Variants in EXOC3L1 observed in about 807,000 individuals in gnomAD.
EXOC3L1 encodes the protein exocyst complex component 3 like 1.
In EXOC3L1, 79 loss-of-function variants were observed where a neutral mutation model predicts 83.6. The observed-to-expected ratio is 0.95, with a 90% CI of 0.79 to 1.14. The LOEUF is 1.14. Among genes scored for constraint, EXOC3L1 ranks in the 50% most tolerant of loss-of-function variants. EXOC3L1 has a pLI of 0.00. For synonymous variants in EXOC3L1, 433 were observed against 451.2 expected (o/e 0.96, Z 0.51); for missense variants, 945 against 972.0 (o/e 0.97, Z 0.37).
chr16:67,188,323 G>A (rs550037970), intron 4 of EXOC3L1, among the ~76,000 whole-genome samples: 2 of 152,314 alleles, frequency 1.3e-5, no homozygotes, highest in Non-Finnish European at 2.9e-5. Context: ...GCCAATCTAA[G>A]AGGATCTTGG....
Position 67,185,325 on chromosome 16 carries a change from C to T in EXOC3L1, c.1626+36G>A, listed in dbSNP as rs766121776. ...CATACGTAGCTGTACCGCCACCTCT[C>T]CACCTGCTCCCATCCTGACCTGAAG... On this transcript the variant is annotated intron_variant, in intron 10 of 13. Transcript: ENST00000314586. 9 of 1,612,998 alleles carry T rather than the reference C, an allele frequency of 5.6e-6. No individual in the cohort carries two copies. The South Asian group carries it at 8.8e-5, about 16-fold the overall frequency.
chr16:67,187,944 T>G, intron 4 of EXOC3L1, 107 bp from the exon 5 acceptor site: 1 of 1,423,102 alleles, frequency 7.0e-7, no homozygotes, highest in Non-Finnish European at 9.3e-7. Context: ...CATAAAATAT[T>G]TAACAACCAG....
Position 67,187,430 on chromosome 16 carries a change from G to C in EXOC3L1, c.835C>G (p.Leu279Val), listed in dbSNP as rs1235488748. The C allele has an allele frequency of 4.3e-6, 7 of 1,610,734 alleles. No individual in the cohort carries two copies. Among genetic ancestry groups the C allele is most frequent in the African/African-American group, 2.7e-5 (2 of 74,926 alleles). Reference sequence around the variant, plus strand: ...AACTCGACTGGCAGGGCCACTCGCAGAGCCTCCAGCCACCCTGGTAGGGCC... The same window carrying C: ...AACTCGACTGGCAGGGCCACTCGCACAGCCTCCAGCCACCCTGGTAGGGCC... ...PGALPGWLEALRVALPVELAT... is the reference protein window; with the variant it reads ...PGALPGWLEAVRVALPVELAT... The change falls in exon 5 of 14, where the codon CTG becomes GTG. Residue 279 changes from leucine (L) to valine (V), a missense_variant. Coordinates refer to ENST00000314586, the MANE Select transcript of EXOC3L1 (RefSeq NM_178516.4).
At position 67,185,437 on chromosome 16, in the gene EXOC3L1, G is replaced by A. The variant is rs774586129; in HGVS notation, c.1550C>T (p.Pro517Leu). ...LDGAPSGALA[P>L]VEAALDELQR... ...CAACTCGTCCAGCGCAGCTTCCACTGGAGCCAAGGCCCCTGAAGGCGCCCC... is the reference window on the plus strand; with the variant it reads ...CAACTCGTCCAGCGCAGCTTCCACTAGAGCCAAGGCCCCTGAAGGCGCCCC... Residue 517 changes from proline (P) to leucine (L), a missense_variant, in exon 10 of 14, where the codon CCA becomes CTA. Coordinates refer to ENST00000314586, the MANE Select transcript of EXOC3L1 (RefSeq NM_178516.4). The A allele has an allele frequency of 1.2e-6, 2 of 1,611,914 alleles. No individual in the cohort carries two copies. Among genetic ancestry groups the A allele is most frequent in the East Asian group, 2.2e-5 (1 of 44,888 alleles).
rs1259108511 is a variant in EXOC3L1, at chr16:67,190,057, G to T, written c.-94C>A. 2 of 195,768 alleles carry T rather than the reference G, an allele frequency of 1.0e-5. No individual in the cohort carries two copies. The highest frequency in any genetic ancestry group is 2.1e-5 in the Non-Finnish European group (2 of 94,962). The allele number at this position is 195,768 out of a possible 1,614,324, so 12.1% of individuals were successfully genotyped here. On this transcript the variant is annotated 5_prime_UTR_variant, in exon 1 of 14. Transcript: ENST00000314586. The stretch of plus-strand genomic sequence containing the variant: ...CTCCCCAATGCAGCTGGGCACGCCT[G>T]CCACTTGCTCACAGGGCCTGGGCAA...
intron 12 of EXOC3L1, 39 bp from the exon 13 acceptor site, chr16:67,184,849 T>C (rs764398849): frequency 1.2e-6 from 2 of 1,607,890 alleles, no homozygotes; most frequent in South Asian, 1.1e-5. Context: ...CAGCCCTCTC[T>C]CCCACCCAGC....
chr16:67,188,426 C>T (rs1036585935), intron 4 of EXOC3L1, among the ~76,000 whole-genome samples: 8 of 152,104 alleles, frequency 5.3e-5, no homozygotes, highest in East Asian at 1.9e-4. Context: ...CAGGGGAAAT[C>T]GGGGGGTCCT....
intron 6 of EXOC3L1, 43 bp from the exon 7 acceptor site, chr16:67,186,927 G>C (rs1448020103): frequency 6.2e-7 from 1 of 1,612,850 alleles, no homozygotes; most frequent in South Asian, 1.1e-5. Flanking sequence ...GCAGGGATCT[G>C]ACCCTGCTGG....
In EXOC3L1 at chr16:67,184,691, G is replaced by C. The variant is rs1384698396; in HGVS notation, c.2025C>G (p.Asp675Glu). 5 of 1,576,010 alleles carry C rather than the reference G, an allele frequency of 3.2e-6. No homozygotes were observed. Among genetic ancestry groups the C allele is most frequent in the Non-Finnish European group, 4.3e-6 (5 of 1,164,528 alleles). The stretch of plus-strand genomic sequence containing the variant: ...TTCTGGCCCCCAGTCCGCACCTCAC[G>C]TCGGGAAATTGTTGCCGCAGGCCAG... ...EVAGLRQQFP[D>E]VSEDHVSALL... is the part of the protein sequence containing the mutation. Residue 675 changes from aspartate to glutamate, a missense_variant, in exon 13 of 14, where the codon GAC becomes GAG. Asp to Glu is a conservative substitution (Grantham distance 45). Transcript: ENST00000314586.
chr16:67,184,524 T>C lies in EXOC3L1; in HGVS notation c.2111A>G (p.Gln704Arg). ...GCGGGGCGACGGCGGCAGCGCAGCCTGCAGGGAGCTGAGCGCGGCCAGGTG... is the reference window on the plus strand; with the variant it reads ...GCGGGGCGACGGCGGCAGCGCAGCCCGCAGGGAGCTGAGCGCGGCCAGGTG... ...EQHLAALSSL[Q>R]AALPPSPRAS... The change falls in exon 14 of 14, where the codon CAG becomes CGG. Residue 704 changes from glutamine (Q) to arginine (R), a missense_variant. Coordinates refer to ENST00000314586, the MANE Select transcript of EXOC3L1 (RefSeq NM_178516.4). 2.0e-6 allele frequency: 3 copies of C among 1,523,066 alleles called. No homozygotes were observed. Among genetic ancestry groups the C allele is most frequent in the South Asian group, 2.4e-5 (2 of 82,664 alleles). 94.3% of individuals were successfully genotyped at this position (1,523,066 alleles called of 1,614,324 possible). A position where few individuals can be genotyped will look rare whatever the true frequency, so the allele number is the denominator to read the frequency against.
intron 11 of EXOC3L1, 34 bp from the exon 12 acceptor site, chr16:67,185,091 C>G: frequency 1.2e-6 from 2 of 1,612,426 alleles, no homozygotes; most frequent in Non-Finnish European, 1.7e-6. Flanking sequence ...TGCAGGTCGC[C>G]TCTCACCCGC....
intron 4 of EXOC3L1, 25 bp from the exon 5 acceptor site, chr16:67,187,862 C>T: frequency 1.3e-6 from 2 of 1,547,924 alleles, no homozygotes; most frequent in East Asian, 2.3e-5. Context: ...AAGGAGACGG[C>T]CCTGGGTCTC....
At position 67,187,243 on chromosome 16, in the gene EXOC3L1, G is replaced by GTGACCCCAGGTACAC; in HGVS notation, c.1021_1022insGTGTACCTGGGGTCA (p.Ala341delinsGlyValProGlyValThr). 2 of 1,611,916 alleles carry GTGACCCCAGGTACAC rather than the reference G, an allele frequency of 1.2e-6. No individual in the cohort carries two copies. The highest frequency in any genetic ancestry group is 1.7e-6 in the Non-Finnish European group (2 of 1,179,054). ...CACTGACCCCAGGTACACATGCAGT[G>GTGACCCCAGGTACAC]CCCAGTGCAGCAAGGCGAAGGCATC... On this transcript the variant is annotated protein_altering_variant, in exon 5 of 14. Coordinates refer to ENST00000314586, the MANE Select transcript of EXOC3L1 (RefSeq NM_178516.4).
At chr16:67,184,834 C>T (rs557233303) in intron 12 of EXOC3L1, 24 bp from the exon 13 acceptor site, 2 of 1,605,954 alleles carry the variant, frequency 1.2e-6, no homozygotes, top group Admixed American at 1.7e-5. Flanking sequence ...GGTAGGGTCT[C>T]GCGCCAGCCC....
chr16:67,186,939 G>A (rs2032746717), intron 6 of EXOC3L1, 55 bp from the exon 7 acceptor site: 2 of 1,612,546 alleles, frequency 1.2e-6, no homozygotes, highest in Non-Finnish European at 1.7e-6. Flanking sequence ...CCCTGCTGGA[G>A]ATGGGTAGAC....
At position 67,189,684 on chromosome 16, in the gene EXOC3L1, C is replaced by T. The variant is rs1567686052; in HGVS notation, c.-7-1G>A. 6.2e-7 allele frequency: 1 copy of T among 1,613,998 alleles called. No homozygotes were observed. The highest frequency in any genetic ancestry group is 8.5e-7 in the Non-Finnish European group (1 of 1,179,982). On this transcript the variant is annotated splice_acceptor_variant, in intron 1 of 13. Transcript: ENST00000314586. LOFTEE classifies it low-confidence loss of function (5UTR_SPLICE). ...CTTGGCTGCTGAGTCCATTGTGGGC[C>T]TGGAGGAGCCAGAGCTGAGGTGGGC...
intron 9 of EXOC3L1, among the ~76,000 whole-genome samples, chr16:67,185,976 G>A (rs899637956): frequency 6.6e-5 from 10 of 152,192 alleles, no homozygotes; most frequent in Non-Finnish European, 1.5e-5. Flanking sequence ...AGGCACTATG[G>A]TGGCCACTTT....
In EXOC3L1 at chr16:67,186,807, T is replaced by A; in HGVS notation, c.1236A>T (p.Thr412=). Residue 412 remains threonine, a synonymous_variant, in exon 7 of 14, where the codon ACA becomes ACT. Transcript: ENST00000314586. The part of the protein sequence containing the change: ...AEWGREHGPN[T]DPSGSYYSPM... Reference sequence around the variant, plus strand: ...GTGAGTAATAGGAGCCAGACGGGTCTGTGTTGGGCCCATGCTCCCGGCCCC... The same window carrying A: ...GTGAGTAATAGGAGCCAGACGGGTCAGTGTTGGGCCCATGCTCCCGGCCCC... 6.2e-7 allele frequency: 1 copy of A among 1,613,710 alleles called. No individual in the cohort carries two copies. Among genetic ancestry groups the A allele is most frequent in the Non-Finnish European group, 8.5e-7 (1 of 1,180,018 alleles).
In EXOC3L1 at chr16:67,185,124, C is replaced by T. The variant is rs1167922924; in HGVS notation, c.1749+12G>A. The stretch of plus-strand genomic sequence containing the variant: ...CGCGCCGCCCCTTCCCCAATCTTTT[C>T]CCCCAACCCACCTGAACCGTGGGGT... On this transcript the variant is annotated intron_variant, in intron 11 of 13. Coordinates refer to ENST00000314586, the MANE Select transcript of EXOC3L1 (RefSeq NM_178516.4). 15 of 1,612,920 alleles carry T rather than the reference C, an allele frequency of 9.3e-6. No homozygotes were observed. Among genetic ancestry groups the T allele is most frequent in the African/African-American group, 1.3e-5 (1 of 74,830 alleles).
Sources: gnomAD v4.1 joint callset for allele counts (sites outside exome capture counted in the v4.1 genomes callset) on GRCh38, gnomAD v4.1.1 for gene constraint, MANE v1.5 for transcripts, NCBI Gene and HGNC (gene_info 2026-07-23, HGNC 2026-07-21) for gene names.